FGGY: variants seen among roughly 807,000 people sequenced by gnomAD.
FGGY encodes FGGY carbohydrate kinase domain containing.
FGGY carries 72 observed loss-of-function variants against 71.3 expected under a neutral mutation model. The ratio of observed to expected loss-of-function variants is 1.01; its 90% CI spans 0.84 to 1.23. FGGY has a LOEUF of 1.23. Ranked by LOEUF, FGGY falls within the 50% of genes most tolerant of loss-of-function variation. The pLI, the probability that FGGY is intolerant of heterozygous loss-of-function variation, is 0.00. For missense variants in FGGY, 668 were observed against 682.3 expected (o/e 0.98, Z 0.23); for synonymous variants, 251 against 250.3 (o/e 1.00, Z -0.02).
chr1:59,490,330 G>GT (rs2093789333), intron 6 of FGGY, among the ~76,000 whole-genome samples: 1 of 152,150 alleles, frequency 6.6e-6, no homozygotes, highest in Non-Finnish European at 1.5e-5. Context: ...GATTACAGGC[G>GT]TGAGTCACCA....
chr1:59,479,775 C>G (rs976963567), intron 6 of FGGY, among the ~76,000 whole-genome samples: 2 of 152,054 alleles, frequency 1.3e-5, no homozygotes, highest in Non-Finnish European at 2.9e-5. Flanking sequence ...TACACAGAAC[C>G]CTGCTTAGGG....
chr1:59,516,630 T>C (rs1395914644), intron 7 of FGGY, among the ~76,000 whole-genome samples: 1 of 152,170 alleles, frequency 6.6e-6, no homozygotes, highest in East Asian at 1.9e-4. Context: ...TGTGATTCTG[T>C]ATAGGTTGAG....
intron 4 of FGGY, among the ~76,000 whole-genome samples, chr1:59,369,112 T>C (rs1489595504): frequency 1.3e-5 from 2 of 152,144 alleles, no homozygotes; most frequent in East Asian, 3.9e-4. Context: ...GGGCGAGGCA[T>C]TGCCTCACTC....
chr1:59,529,184 AG>A (rs1417525518), intron 7 of FGGY, among the ~76,000 whole-genome samples: 1 of 152,262 alleles, frequency 6.6e-6, no homozygotes, highest in East Asian at 1.9e-4. Flanking sequence ...AGTGATACAA[AG>A]AAATAGAGGC....
intron 11 of FGGY, among the ~76,000 whole-genome samples, chr1:59,650,719 T>G (rs897215545): frequency 7.6e-6 from 1 of 132,006 alleles, no homozygotes; most frequent in Non-Finnish European, 1.5e-5. Flanking sequence ...ATTCACTGAT[T>G]TTTTGAAGGG....
At chr1:59,450,404 A>G (rs1294908853) in intron 5 of FGGY, among the ~76,000 whole-genome samples, 1 of 149,406 alleles carries the variant, frequency 6.7e-6, no homozygotes, top group Non-Finnish European at 1.5e-5. Flanking sequence ...ATTTACTCAC[A>G]TATTTAGCAG....
At chr1:59,515,596 G>A (rs1023035622) in intron 7 of FGGY, among the ~76,000 whole-genome samples, 1 of 152,204 alleles carries the variant, frequency 6.6e-6, no homozygotes, top group Non-Finnish European at 1.5e-5. Context: ...CATGTTGTGG[G>A]AGGGACTTAG....
In FGGY at chr1:59,323,184, C is replaced by A. The variant is rs191740647; in HGVS notation, c.201+1434C>A. Among the ~76,000 whole-genome samples the A allele has an allele frequency of 2.5e-3, 385 of 152,304 alleles. 1 individual carries two copies. The highest frequency in any genetic ancestry group is 3.5e-3 in the Non-Finnish European group (237 of 68,020). The stretch of plus-strand genomic sequence containing the variant: ...ACTTGGGCCTTCTTTCTTCTTTTAA[C>A]ATACAGCCTTGCTTGCCGTTAAGGA... On this transcript the variant is annotated intron_variant, in intron 2 of 15. Transcript: ENST00000303721.
intron 4 of FGGY, among the ~76,000 whole-genome samples, chr1:59,372,847 C>G (rs2057933743): frequency 6.6e-6 from 1 of 151,330 alleles, no homozygotes; most frequent in Admixed American, 6.6e-5. Flanking sequence ...AGGCCTTTGA[C>G]AAAATTCAAC....
chr1:59,727,286 C>G (rs2097959114), intron 14 of FGGY, among the ~76,000 whole-genome samples: 1 of 152,118 alleles, frequency 6.6e-6, no homozygotes, highest in South Asian at 2.1e-4. Context: ...TTTATCCAGT[C>G]CACCATTGAT....
At chr1:59,299,723 G>A (rs1055417452) in intron 1 of FGGY, among the ~76,000 whole-genome samples, 1 of 152,196 alleles carries the variant, frequency 6.6e-6, no homozygotes, top group Non-Finnish European at 1.5e-5. Flanking sequence ...TATGCCTGAC[G>A]CACGTGGCCC....
At chr1:59,673,925 G>C in intron 13 of FGGY, 114 bp from the exon 14 acceptor site, 1 of 759,440 alleles carries the variant, frequency 1.3e-6, no homozygotes, top group Non-Finnish European at 2.3e-6. Flanking sequence ...GGAGTCGGGC[G>C]GGGGGCCTGC....
rs538123346 is a variant in FGGY at position 59,681,507 on chromosome 1, G to C, written c.1512+7374G>C. Among the ~76,000 whole-genome samples the C allele has an allele frequency of 1.4e-4, 22 of 152,142 alleles. No homozygotes were observed. In the South Asian group the frequency reaches 4.1e-3, roughly 29 times the overall value. ...TTGTTCAAGATGGCATTTCATACTG[G>C]TGTAAACCTAAACAAAAATGTGTAA... On this transcript the variant is annotated intron_variant, in intron 14 of 15. Transcript: ENST00000303721.
chr1:59,506,775 G>A (rs1337515151), intron 6 of FGGY, among the ~76,000 whole-genome samples: 1 of 151,882 alleles, frequency 6.6e-6, no homozygotes, highest in Non-Finnish European at 1.5e-5. Flanking sequence ...CTCCATCCTG[G>A]GCAACAGAGC....
intron 2 of FGGY, among the ~76,000 whole-genome samples, chr1:59,338,412 C>T (rs2050020244): frequency 6.6e-6 from 1 of 151,984 alleles, no homozygotes; most frequent in Non-Finnish European, 1.5e-5. Context: ...GCATTGGTAC[C>T]ATCTCTTCCT....
intron 7 of FGGY, among the ~76,000 whole-genome samples, chr1:59,551,531 G>A (rs1461885235): frequency 1.3e-5 from 2 of 152,102 alleles, no homozygotes; most frequent in African/African-American, 4.8e-5. Context: ...AAGGATCTCA[G>A]AATCAATATA....
chr1:59,409,039 A>G (rs1275481334), intron 5 of FGGY, among the ~76,000 whole-genome samples: 1 of 152,110 alleles, frequency 6.6e-6, no homozygotes, highest in Non-Finnish European at 1.5e-5. Flanking sequence ...TCAAATCTCC[A>G]TCCTCCCCCA....
At chr1:59,448,021 G>A (rs2071718003) in intron 5 of FGGY, among the ~76,000 whole-genome samples, 1 of 151,660 alleles carries the variant, frequency 6.6e-6, no homozygotes, top group African/African-American at 2.4e-5. Context: ...TTTCAGGGGT[G>A]GTGAGCACCA....
intron 14 of FGGY, chr1:59,699,267 T>A: frequency 5.1e-6 from 5 of 985,300 alleles, no homozygotes; most frequent in Non-Finnish European, 6.0e-6. Context: ...GGGTGAGCCT[T>A]TGAGTTTAAA....
Sources: gnomAD v4.1 joint callset for allele counts (sites outside exome capture counted in the v4.1 genomes callset) on GRCh38, gnomAD v4.1.1 for gene constraint, MANE v1.5 for transcripts, NCBI Gene and HGNC (gene_info 2026-07-23, HGNC 2026-07-21) for gene names.